The following CPQ variants were observed in gnomAD, a reference collection of about 807,000 sequenced individuals.
CPQ encodes Ser-Met dipeptidase.
Under a neutral mutation model 45.7 loss-of-function variants are expected in CPQ, and 37 were observed. That is an observed-to-expected ratio of 0.81 (90% CI 0.62 to 1.07). CPQ has a LOEUF of 1.07. CPQ is among the 50% of genes least tolerant of loss of function. The pLI is 0.00. For missense variants in CPQ, 537 were observed against 572.9 expected, an observed-to-expected ratio of 0.94 and a Z score of 0.64; for synonymous variants, 186 against 205.8, an observed-to-expected ratio of 0.90 and a Z score of 0.82.
intron 1 of CPQ, among the ~76,000 whole-genome samples, chr8:96,676,402 A>G (rs932568462): frequency 6.6e-6 from 1 of 151,856 alleles, no homozygotes; most frequent in African/African-American, 2.4e-5. Context: ...TTTCTATTCT[A>G]TTCCATTGGT....
At chr8:96,865,522 C>T (rs960888731) in intron 3 of CPQ, among the ~76,000 whole-genome samples, 2 of 152,024 alleles carry the variant, frequency 1.3e-5, no homozygotes, top group Non-Finnish European at 2.9e-5. Flanking sequence ...TGGAGGGTGG[C>T]TATTTATTGA....
At chr8:97,041,821 C>T (rs1171899071) in intron 6 of CPQ, among the ~76,000 whole-genome samples, 7 of 152,192 alleles carry the variant, frequency 4.6e-5, no homozygotes, top group African/African-American at 1.7e-4. Context: ...AGCCTTGCAT[C>T]CCAGGGATGA....
chr8:97,051,879 C>T (rs1044041340), intron 6 of CPQ, among the ~76,000 whole-genome samples: 1 of 152,180 alleles, frequency 6.6e-6, no homozygotes, highest in African/African-American at 2.4e-5. Context: ...GTGTCCACCC[C>T]TCTCTGAGAC....
intron 5 of CPQ, among the ~76,000 whole-genome samples, chr8:96,966,434 C>T (rs1006577859): frequency 1.3e-5 from 2 of 152,188 alleles, no homozygotes; most frequent in African/African-American, 4.8e-5. Flanking sequence ...AAAGGCTGGT[C>T]GTCTTTCCAT....
chr8:96,770,269 G>A (rs953618191), intron 1 of CPQ, among the ~76,000 whole-genome samples: 8 of 152,020 alleles, frequency 5.3e-5, no homozygotes, highest in Non-Finnish European at 1.5e-5. Flanking sequence ...AGAGCTCCTG[G>A]GATTCCCTCT....
At chr8:96,873,941 T>A (rs756421976) in intron 3 of CPQ, among the ~76,000 whole-genome samples, 1 of 151,840 alleles carries the variant, frequency 6.6e-6, no homozygotes, top group Non-Finnish European at 1.5e-5. Context: ...CTGCCTGACA[T>A]GAAGGGAGTT....
chr8:96,707,819 A>G (rs1355495272), intron 1 of CPQ, among the ~76,000 whole-genome samples: 1 of 152,066 alleles, frequency 6.6e-6, no homozygotes, highest in Non-Finnish European at 1.5e-5. Context: ...TGGAGGCTCT[A>G]GGGGAGAATC....
chr8:97,039,874 G>C (rs1810083994), intron 6 of CPQ, among the ~76,000 whole-genome samples: 1 of 151,288 alleles, frequency 6.6e-6, no homozygotes, highest in South Asian at 2.1e-4. Context: ...TCTTAATCCA[G>C]TCTATCATTG....
chr8:96,665,543 A>G (rs1808909372), intron 1 of CPQ, among the ~76,000 whole-genome samples: 1 of 152,232 alleles, frequency 6.6e-6, no homozygotes, highest in African/African-American at 2.4e-5. Context: ...GGGGAAGGTG[A>G]TGAGTTTGGA....
chr8:96,902,295 A>G (rs1043230044), intron 4 of CPQ, among the ~76,000 whole-genome samples: 7 of 152,198 alleles, frequency 4.6e-5, no homozygotes, highest in Non-Finnish European at 1.0e-4. Flanking sequence ...ATGTGCCAAT[A>G]TTATTATCAA....
intron 4 of CPQ, among the ~76,000 whole-genome samples, chr8:96,954,158 G>C (rs926519497): frequency 2.0e-5 from 3 of 151,896 alleles, no homozygotes; most frequent in African/African-American, 7.3e-5. Context: ...AAAATATACT[G>C]TTTATGCTAA....
At chr8:96,922,405 C>A in intron 4 of CPQ, among the ~76,000 whole-genome samples, 1 of 152,196 alleles carries the variant, frequency 6.6e-6, no homozygotes, top group East Asian at 1.9e-4. Context: ...GTTTGTTCAG[C>A]AGCATGTGAA....
intron 6 of CPQ, among the ~76,000 whole-genome samples, chr8:97,045,468 A>G (rs1415733470): frequency 6.6e-6 from 1 of 152,014 alleles, no homozygotes; most frequent in Non-Finnish European, 1.5e-5. Context: ...GCCCTCCTTC[A>G]GCTCGCGCAC....
chr8:97,095,817 C>T (rs1186817459), intron 7 of CPQ, among the ~76,000 whole-genome samples: 2 of 152,012 alleles, frequency 1.3e-5, no homozygotes, highest in Non-Finnish European at 2.9e-5. Flanking sequence ...TGTCATGTCT[C>T]CCTTTAGTAT....
At chr8:96,926,683 C>T (rs1364173052) in intron 4 of CPQ, among the ~76,000 whole-genome samples, 1 of 148,634 alleles carries the variant, frequency 6.7e-6, no homozygotes, top group East Asian at 2.0e-4. Flanking sequence ...TCTTCTTCTT[C>T]TCTTTTTATT....
At chr8:96,676,150 A>G (rs1285342630) in intron 1 of CPQ, among the ~76,000 whole-genome samples, 1 of 151,998 alleles carries the variant, frequency 6.6e-6, no homozygotes, top group Non-Finnish European at 1.5e-5. Context: ...TTCTTTTAGC[A>G]ATTTTGAAAT....
intron 4 of CPQ, among the ~76,000 whole-genome samples, chr8:96,883,317 C>T (rs940805091): frequency 2.0e-5 from 3 of 152,076 alleles, no homozygotes; most frequent in Admixed American, 2.0e-4. Flanking sequence ...CTGGACTGGC[C>T]TAAATTTAAG....
At chr8:97,122,772 C>A (rs1360369488) in intron 7 of CPQ, among the ~76,000 whole-genome samples, 2 of 150,888 alleles carry the variant, frequency 1.3e-5, no homozygotes, top group Non-Finnish European at 2.9e-5. Flanking sequence ...GTAATCCCAG[C>A]TTCTCAGCAG....
intron 1 of CPQ, among the ~76,000 whole-genome samples, chr8:96,749,030 C>A (rs1810225946): frequency 6.6e-6 from 1 of 152,124 alleles, no homozygotes. Flanking sequence ...TTGGTATGTT[C>A]ATCTCTACTT....
Sources: allele counts gnomAD v4.1 joint callset (sites outside exome capture counted in the v4.1 genomes callset), GRCh38; gene constraint gnomAD v4.1.1; transcripts MANE v1.5; gene names NCBI Gene and HGNC (gene_info 2026-07-23, HGNC 2026-07-21).